ST6GAL2: variants seen among roughly 807,000 people sequenced by gnomAD.
ST6GAL2 encodes the protein beta-galactoside alpha-2,6-sialyltransferase 2.
In ST6GAL2, 24 loss-of-function variants were observed where a neutral mutation model predicts 37.5. The observed-to-expected ratio is 0.64, with a 90% CI of 0.46 to 0.90. The LOEUF (loss-of-function observed/expected upper bound fraction) is 0.90, where lower values mean the gene tolerates loss of function less well. Ranked by LOEUF, ST6GAL2 falls within the 40% of genes least tolerant of loss-of-function variation. ST6GAL2 has a pLI of 0.00. For missense variants in ST6GAL2, 715 were observed against 712.7 expected (o/e 1.00, Z -0.04); for synonymous variants, 306 against 295.1 (o/e 1.04, Z -0.38).
chr2:106,886,695 C>G (rs1357121547), upstream of ST6GAL2: 3 of 151,852 alleles, frequency 2.0e-5, no homozygotes, highest in African/African-American at 7.2e-5. Flanking sequence ...CCCTCCCTCT[C>G]CGCGATCCCT....
intron 5 of ST6GAL2, among the ~76,000 whole-genome samples, chr2:106,828,909 C>G (rs1319741173): frequency 6.6e-6 from 1 of 152,122 alleles, no homozygotes; most frequent in Non-Finnish European, 1.5e-5. Context: ...CCCAAAAACT[C>G]TGAGGATCAA....
intron 1 of ST6GAL2, among the ~76,000 whole-genome samples, chr2:106,871,543 A>T (rs1678267791): frequency 6.6e-6 from 1 of 152,210 alleles, no homozygotes; most frequent in Non-Finnish European, 1.5e-5. Flanking sequence ...AAACACAAAC[A>T]CATTGTACAG....
At chr2:106,830,640 A>G (rs1676385585) in intron 4 of ST6GAL2, among the ~76,000 whole-genome samples, 1 of 152,206 alleles carries the variant, frequency 6.6e-6, no homozygotes, top group South Asian at 2.1e-4. Context: ...GTGTTCTAAA[A>G]AAACACTATT....
Position 106,843,981 on chromosome 2 carries a change from A to G in ST6GAL2, c.-4T>C, listed in dbSNP as rs1677046521. ...ATTGCTTCAAGTGTGGTTTCATGGC[A>G]GGTCTCTGCGGTCAGCACCTTGTGT... On this transcript the variant is annotated 5_prime_UTR_variant, in exon 2 of 6. Transcript: ENST00000409382. 1.3e-6 allele frequency: 2 copies of G among 1,566,304 alleles called. No individual in the cohort carries two copies. The highest frequency in any genetic ancestry group is 4.5e-5 in the East Asian group (2 of 44,242).
intron 5 of ST6GAL2, among the ~76,000 whole-genome samples, chr2:106,818,139 G>A (rs1181137458): frequency 6.6e-6 from 1 of 152,186 alleles, no homozygotes; most frequent in African/African-American, 2.4e-5. Flanking sequence ...GGGGCCAGGG[G>A]GAACTCACTA....
At chr2:106,809,034 A>G (rs1213012640) in intron 5 of ST6GAL2, among the ~76,000 whole-genome samples, 1 of 152,168 alleles carries the variant, frequency 6.6e-6, no homozygotes, top group Non-Finnish European at 1.5e-5. Context: ...CCCACAAAAA[A>G]ACCTTAAACA....
At position 106,804,012 on chromosome 2, in the gene ST6GAL2, T is replaced by C. The variant is rs993267332; in HGVS notation, c.*2666A>G. 3.3e-5 allele frequency: 5 copies of C among 152,306 alleles called. No homozygotes were observed. The highest frequency in any genetic ancestry group is 6.5e-5 in the Admixed American group (1 of 15,296). 9.4% of individuals were successfully genotyped at this position (152,306 alleles called of 1,614,324 possible). A position where few individuals can be genotyped will look rare whatever the true frequency, so the allele number is the denominator to read the frequency against. On this transcript the variant is annotated 3_prime_UTR_variant, in exon 6 of 6. Coordinates refer to ENST00000409382, the MANE Select transcript of ST6GAL2 (RefSeq NM_001142351.2). Reference sequence around the variant, plus strand: ...ACATTTTCTTAGAAGCCAAAGAACTTAAACTTTTATAGAAGAACGCCCAGT... The same window carrying C: ...ACATTTTCTTAGAAGCCAAAGAACTCAAACTTTTATAGAAGAACGCCCAGT...
Position 106,843,098 on chromosome 2 carries a change from G to T in ST6GAL2, c.880C>A (p.Arg294Ser). The T allele has an allele frequency of 6.6e-7, 1 of 1,524,972 alleles. No homozygotes were observed. Among genetic ancestry groups the T allele is most frequent in the Non-Finnish European group, 8.8e-7 (1 of 1,142,608 alleles). The allele number at this position is 1,524,972 out of a possible 1,614,324, so 94.5% of individuals were successfully genotyped here. Residue 294 changes from arginine to serine, a missense_variant, in exon 2 of 6, where the codon CGC becomes AGC. By Grantham distance (110) the Arg-to-Ser change is moderately radical. This residue lies in a region of ST6GAL2 where 512 missense variants were observed against 488.8 expected (regional missense o/e 1.05). Transcript: ENST00000409382. ...PLSQLHPRGL[R>S]SCAVVMSAGA... ...GCAGACATGACGACAGCGCAGCTGC[G>T]CAGGCCGCGGGGGTGCAGCTGGCTC...
chr2:106,873,961 C>T (rs370773364), intron 1 of ST6GAL2, among the ~76,000 whole-genome samples: 10 of 152,320 alleles, frequency 6.6e-5, no homozygotes, highest in Middle Eastern at 3.4e-3. Flanking sequence ...AAAAATCCAA[C>T]CTACTCTCTT....
intron 1 of ST6GAL2, among the ~76,000 whole-genome samples, chr2:106,880,496 G>A (rs1573330229): frequency 6.6e-6 from 1 of 152,312 alleles, no homozygotes; most frequent in East Asian, 1.9e-4. Flanking sequence ...TTCACCAAAG[G>A]GACCAAGGGA....
At chr2:106,838,299 C>T (rs1676729731) in intron 2 of ST6GAL2, among the ~76,000 whole-genome samples, 1 of 152,182 alleles carries the variant, frequency 6.6e-6, no homozygotes, top group African/African-American at 2.4e-5. Context: ...AGCTGCTGGG[C>T]CAGCACCCGG....
chr2:106,874,494 G>A (rs1418895464), intron 1 of ST6GAL2, among the ~76,000 whole-genome samples: 1 of 152,116 alleles, frequency 6.6e-6, no homozygotes, highest in East Asian at 1.9e-4. Flanking sequence ...GACGACTGGG[G>A]AATCTAAGGA....
chr2:106,826,526 C>T (rs1279055108), intron 5 of ST6GAL2, among the ~76,000 whole-genome samples: 1 of 144,038 alleles, frequency 6.9e-6, no homozygotes, highest in Non-Finnish European at 1.5e-5. Context: ...AGTAACACAG[C>T]GAGACTCCGT....
At chr2:106,865,846 G>A (rs1678003750) in intron 1 of ST6GAL2, among the ~76,000 whole-genome samples, 1 of 152,138 alleles carries the variant, frequency 6.6e-6, no homozygotes, top group Non-Finnish European at 1.5e-5. Flanking sequence ...TGGCTACTAT[G>A]TTTCATTTGC....
chr2:106,843,378 G>C lies in ST6GAL2; in HGVS notation c.600C>G (p.Ser200=). 6.2e-7 allele frequency: 1 copy of C among 1,614,160 alleles called. No homozygotes were observed. The highest frequency in any genetic ancestry group is 1.1e-5 in the South Asian group (1 of 91,092). ...TCCAGAGCCGGTACAGGAAGGCCCT[G>C]GACATGGAGGAGTACAGCCTGTCGC... is the stretch of plus-strand genomic sequence containing the variant. ...DDGDRLYSSM[S]RAFLYRLWKG... is the part of the protein sequence containing the mutation. Residue 200 remains serine (S), a synonymous_variant, in exon 2 of 6, where the codon TCC becomes TCG. Coordinates refer to ENST00000409382, the MANE Select transcript of ST6GAL2 (RefSeq NM_001142351.2).
intron 1 of ST6GAL2, among the ~76,000 whole-genome samples, chr2:106,864,802 T>C (rs1677954983): frequency 6.6e-6 from 1 of 152,240 alleles, no homozygotes; most frequent in Non-Finnish European, 1.5e-5. Flanking sequence ...CTTTTCACAC[T>C]TTCTAATGGG....
intron 1 of ST6GAL2, among the ~76,000 whole-genome samples, chr2:106,855,997 G>T (rs957489901): frequency 1.3e-5 from 2 of 152,140 alleles, no homozygotes; most frequent in Non-Finnish European, 2.9e-5. Flanking sequence ...GTGGAACAAC[G>T]ATTACAATCC....
chr2:106,863,784 A>T (rs1203134239), intron 1 of ST6GAL2, among the ~76,000 whole-genome samples: 1 of 152,214 alleles, frequency 6.6e-6, no homozygotes, highest in Non-Finnish European at 1.5e-5. Context: ...GACTGGGTAT[A>T]AAAGGTGATG....
At chr2:106,819,589 A>T (rs146642486) in intron 5 of ST6GAL2, among the ~76,000 whole-genome samples, 543 of 152,290 alleles carry the variant, frequency 3.6e-3, no homozygotes, top group African/African-American at 0.013. Flanking sequence ...ACAAAACTAG[A>T]TATATCCAAC....
Sources: gnomAD v4.1 joint callset for allele counts (sites outside exome capture counted in the v4.1 genomes callset) on GRCh38, gnomAD v4.1.1 for gene constraint, gnomAD v4.1.1 regional missense constraint, MANE v1.5 for transcripts, NCBI Gene and HGNC (gene_info 2026-07-23, HGNC 2026-07-21) for gene names.